CDIN1: variants seen among roughly 807,000 people sequenced by gnomAD.
The protein encoded by CDIN1 is CDAN1-interacting nuclease 1.
CDIN1 carries 33 observed loss-of-function variants against 45.3 expected under a neutral mutation model. That is an observed-to-expected ratio of 0.73 (90% CI 0.55 to 0.97). The LOEUF is 0.97. Ranked by LOEUF, CDIN1 falls within the 50% of genes least tolerant of loss-of-function variation. The pLI is 0.00. For missense variants in CDIN1, 303 were observed against 339.4 expected (o/e 0.89, Z 0.84); for synonymous variants, 118 against 124.4 (o/e 0.95, Z 0.34).
rs539570428 is a variant in CDIN1 at position 36,639,544 on chromosome 15, C to T, written c.102-4734C>T. Among the ~76,000 whole-genome samples the T allele has an allele frequency of 1.0e-3, 154 of 152,190 alleles. 1 individual carries two copies. The South Asian group carries it at 0.029, about 28-fold the overall frequency. ...CGGAGGTTGCAGTGAGCCGAGACTG[C>T]GCCACTGTACTCCATCCTGGGTGAC... On this transcript the variant is annotated intron_variant, in intron 1 of 10. Coordinates refer to ENST00000566621, the MANE Select transcript of CDIN1 (RefSeq NM_001321759.2).
In CDIN1 at chr15:36,809,215, T is replaced by C. The variant is rs775999034; in HGVS notation, c.*762T>C. 12 of 279,342 alleles carry C rather than the reference T, an allele frequency of 4.3e-5. No homozygotes were observed. The highest frequency in any genetic ancestry group is 9.4e-5 in the Admixed American group (2 of 21,166). 17.3% of individuals were successfully genotyped at this position (279,342 alleles called of 1,614,324 possible). A position where few individuals can be genotyped will look rare whatever the true frequency, so the allele number is the denominator to read the frequency against. Reference sequence around the variant, plus strand: ...TGCCTGGAAACCACACTCCTTTAGATTGGGGGCCGAGAGGCGACAACCCAA... The same window carrying C: ...TGCCTGGAAACCACACTCCTTTAGACTGGGGGCCGAGAGGCGACAACCCAA... On this transcript the variant is annotated 3_prime_UTR_variant, in exon 11 of 11. Transcript: ENST00000566621.
chr15:36,645,494 T>TGTG (rs1555388453), intron 3 of CDIN1, among the ~76,000 whole-genome samples: 2 of 143,384 alleles, frequency 1.4e-5, no homozygotes, highest in East Asian at 4.1e-4. Flanking sequence ...CTGTCTTGAC[T>TGTG]TGTGTGTGTG....
At chr15:36,618,604 G>A (rs1390499436) in intron 1 of CDIN1, 2 of 825,490 alleles carry the variant, frequency 2.4e-6, no homozygotes, top group East Asian at 2.4e-5. Context: ...GTCTGATGTT[G>A]TTAAAGGTGT....
chr15:36,660,379 C>CA (rs879382862), intron 5 of CDIN1, among the ~76,000 whole-genome samples: 19 of 151,986 alleles, frequency 1.3e-4, no homozygotes, highest in East Asian at 3.9e-4. Context: ...AGAAATCAGG[C>CA]AAAAAAATCC....
chr15:36,673,711 G>A (rs769336164), intron 5 of CDIN1, among the ~76,000 whole-genome samples: 4 of 151,732 alleles, frequency 2.6e-5, no homozygotes, highest in Non-Finnish European at 5.9e-5. Flanking sequence ...TCCCTTTTTG[G>A]TAGATAAAGA....
chr15:36,714,541 A>G (rs2043158724), intron 10 of CDIN1, among the ~76,000 whole-genome samples: 1 of 152,168 alleles, frequency 6.6e-6, no homozygotes, highest in African/African-American at 2.4e-5. Context: ...AATATATTCT[A>G]TTCTACATGA....
At chr15:36,776,320 T>C (rs1339549652) in intron 10 of CDIN1, among the ~76,000 whole-genome samples, 1 of 152,214 alleles carries the variant, frequency 6.6e-6, no homozygotes, top group Non-Finnish European at 1.5e-5. Context: ...GATAGAATCA[T>C]GGTATGGGGA....
chr15:36,766,733 T>C (rs369574103), intron 10 of CDIN1, among the ~76,000 whole-genome samples: 1 of 152,226 alleles, frequency 6.6e-6, no homozygotes. Flanking sequence ...GAAAAATGTC[T>C]ATTCAACTCC....
At chr15:36,634,128 A>G (rs1328197888) in intron 1 of CDIN1, among the ~76,000 whole-genome samples, 1 of 151,396 alleles carries the variant, frequency 6.6e-6, no homozygotes, top group South Asian at 2.1e-4. Flanking sequence ...GTAATGTTTT[A>G]TAACTTTCTT....
At chr15:36,698,510 A>C (rs553770102) in intron 8 of CDIN1, among the ~76,000 whole-genome samples, 1 of 152,314 alleles carries the variant, frequency 6.6e-6, no homozygotes, top group South Asian at 2.1e-4. Context: ...GTTGGAAGAA[A>C]TCACCTTTTA....
intron 4 of CDIN1, among the ~76,000 whole-genome samples, chr15:36,656,206 A>G (rs919487455): frequency 6.6e-6 from 1 of 152,200 alleles, no homozygotes; most frequent in African/African-American, 2.4e-5. Context: ...ATACACTTGC[A>G]TCTGGTGACA....
intron 10 of CDIN1, among the ~76,000 whole-genome samples, chr15:36,743,468 A>T (rs2044309151): frequency 1.3e-5 from 2 of 152,150 alleles, no homozygotes; most frequent in South Asian, 4.1e-4. Flanking sequence ...AATCTAATCA[A>T]ATGCAATAAT....
chr15:36,786,837 T>TATA (rs1422024289), intron 10 of CDIN1, among the ~76,000 whole-genome samples: 1 of 152,134 alleles, frequency 6.6e-6, no homozygotes, highest in African/African-American at 2.4e-5. Context: ...TTGCTCCTTA[T>TATA]CCTTTTTGAC....
chr15:36,786,917 T>C, intron 10 of CDIN1, among the ~76,000 whole-genome samples: 1 of 152,242 alleles, frequency 6.6e-6, no homozygotes, highest in East Asian at 1.9e-4. Context: ...TGATTCTCTT[T>C]CCACCCTGTT....
intron 7 of CDIN1, 47 bp from the exon 8 acceptor site, chr15:36,697,276 G>A (rs765523796): frequency 6.5e-7 from 1 of 1,538,450 alleles, no homozygotes; most frequent in South Asian, 1.1e-5. Context: ...GCGTTTTCCT[G>A]CTGGTATAAT....
chr15:36,793,674 A>T (rs751825685), intron 10 of CDIN1, among the ~76,000 whole-genome samples: 3 of 152,176 alleles, frequency 2.0e-5, no homozygotes, highest in Non-Finnish European at 2.9e-5. Flanking sequence ...TTTCTTTACA[A>T]GGCAAAGTTT....
At chr15:36,639,598 G>GC (rs1184297277) in intron 1 of CDIN1, among the ~76,000 whole-genome samples, 1 of 151,918 alleles carries the variant, frequency 6.6e-6, no homozygotes, top group Non-Finnish European at 1.5e-5. Flanking sequence ...AAAAAAAACT[G>GC]CCCCCCTCAA....
intron 1 of CDIN1, chr15:36,641,046 T>G (rs1488113357): frequency 6.6e-6 from 1 of 152,206 alleles, no homozygotes; most frequent in Non-Finnish European, 1.5e-5. Flanking sequence ...AAGCCAATTA[T>G]AGCCATCAGC....
chr15:36,791,234 G>T (rs903525095), intron 10 of CDIN1, among the ~76,000 whole-genome samples: 3 of 152,166 alleles, frequency 2.0e-5, no homozygotes, highest in Admixed American at 2.0e-4. Flanking sequence ...GCTATGCAAA[G>T]ATACTCTGCC....
Sources: gnomAD v4.1 joint callset for allele counts (sites outside exome capture counted in the v4.1 genomes callset) on GRCh38, gnomAD v4.1.1 for gene constraint, MANE v1.5 for transcripts, NCBI Gene and HGNC (gene_info 2026-07-23, HGNC 2026-07-21) for gene names.